The following NEDD4L variants were observed in gnomAD, a reference collection of about 807,000 sequenced individuals.
NEDD4L encodes the protein NEDD4 like E3 ubiquitin protein ligase.
In NEDD4L, 54 loss-of-function variants were observed where a neutral mutation model predicts 148.9. The ratio of observed to expected loss-of-function variants is 0.36; its 90% CI spans 0.29 to 0.45. The LOEUF is 0.45. Among genes scored for constraint, NEDD4L ranks in the 20% least tolerant of loss-of-function variants. The pLI is 1.00. For missense variants in NEDD4L, 856 were observed against 1,233.8 expected (o/e 0.69, Z 4.59); for synonymous variants, 433 against 440.7 (o/e 0.98, Z 0.22).
intron 1 of NEDD4L, among the ~76,000 whole-genome samples, chr18:58,071,003 G>C (rs1259524639): frequency 6.6e-6 from 1 of 151,904 alleles, no homozygotes; most frequent in South Asian, 2.1e-4. Context: ...GCTATCTCAA[G>C]AAACAGGAAG....
chr18:58,352,299 G>A (rs2043989700), intron 18 of NEDD4L, among the ~76,000 whole-genome samples: 1 of 151,978 alleles, frequency 6.6e-6, no homozygotes, highest in South Asian at 2.1e-4. Context: ...TTTATTTATT[G>A]TTTTAAGAGA....
At chr18:58,141,834 TGCCTGTGGTTCATAAGCCTG>T (rs1254319879) in intron 1 of NEDD4L, among the ~76,000 whole-genome samples, 1 of 152,180 alleles carries the variant, frequency 6.6e-6, no homozygotes, top group Non-Finnish European at 1.5e-5. Flanking sequence ...TTAGAATCCA[TGCCTGTGGTTCATAAGCCTG>T]GCTCAGCTCT....
At position 58,334,004 on chromosome 18, in the gene NEDD4L, G is replaced by T. The variant is rs549467223; in HGVS notation, c.1065+112G>T. On this transcript the variant is annotated intron_variant, in intron 12 of 30. Coordinates refer to ENST00000400345, the MANE Select transcript of NEDD4L (RefSeq NM_001144967.3). ...GTGTAAATTTATTTACAATATAAAT[G>T]AGATGTTTTTAAATTTCCTGGCCAA... 3 of 624,860 alleles carry T rather than the reference G, an allele frequency of 4.8e-6. No individual in the cohort carries two copies. The African/African-American group carries it at 5.6e-5, about 12-fold the overall frequency. The allele number at this position is 624,860 out of a possible 1,614,324, so 38.7% of individuals were successfully genotyped here. A position where few individuals can be genotyped will look rare whatever the true frequency, so the allele number is the denominator to read the frequency against.
chr18:58,153,017 G>C (rs550768197), intron 1 of NEDD4L, among the ~76,000 whole-genome samples: 322 of 152,308 alleles, frequency 2.1e-3, no homozygotes, highest in African/African-American at 7.3e-3. Context: ...GGTTTTAGGG[G>C]AAGGAGAGTC....
At chr18:58,269,083 A>G (rs926126279) in intron 5 of NEDD4L, among the ~76,000 whole-genome samples, 7 of 151,908 alleles carry the variant, frequency 4.6e-5, no homozygotes, top group African/African-American at 1.5e-4. Flanking sequence ...ATATGTTCCA[A>G]TCTTCTGTCA....
chr18:58,065,394 C>G (rs749179650), intron 1 of NEDD4L, among the ~76,000 whole-genome samples: 1 of 152,226 alleles, frequency 6.6e-6, no homozygotes. Flanking sequence ...TTGTGCATTG[C>G]GCACTATGCT....
intron 2 of NEDD4L, among the ~76,000 whole-genome samples, chr18:58,222,062 T>C (rs2043832086): frequency 6.6e-6 from 1 of 152,220 alleles, no homozygotes; most frequent in Non-Finnish European, 1.5e-5. Context: ...GTACAGCTTT[T>C]CTTCCAAAAA....
intron 1 of NEDD4L, among the ~76,000 whole-genome samples, chr18:58,075,440 C>T (rs553216809): frequency 1.2e-4 from 18 of 152,222 alleles, no homozygotes; most frequent in Middle Eastern, 6.8e-3. Flanking sequence ...CGTGAGCCAC[C>T]GCATCCAGCC....
chr18:58,365,921 C>T lies in NEDD4L; in HGVS notation c.1834-78C>T, dbSNP rs1568861555. 3 of 1,000,610 alleles carry T rather than the reference C, an allele frequency of 3.0e-6. No individual in the cohort carries two copies. The South Asian group carries it at 5.5e-5, about 18-fold the overall frequency. The allele number at this position is 1,000,610 out of a possible 1,614,324, so 62.0% of individuals were successfully genotyped here. A position where few individuals can be genotyped will look rare whatever the true frequency, so the allele number is the denominator to read the frequency against. ...CTTTGAGGACTGCCAACTTTTCTAC[C>T]ATTTGCTGTTGTTTTTATTAGAAAA... is the stretch of plus-strand genomic sequence containing the variant. On this transcript the variant is annotated intron_variant, in intron 20 of 30. Transcript: ENST00000400345.
intron 18 of NEDD4L, among the ~76,000 whole-genome samples, chr18:58,353,526 T>C (rs1220265994): frequency 6.6e-6 from 1 of 152,210 alleles, no homozygotes; most frequent in Non-Finnish European, 1.5e-5. Context: ...CTACCATCGC[T>C]CCATAATTCA....
intron 18 of NEDD4L, among the ~76,000 whole-genome samples, chr18:58,355,767 AC>A (rs1406841681): frequency 1.3e-5 from 2 of 151,498 alleles, no homozygotes; most frequent in African/African-American, 2.4e-5. Flanking sequence ...CAGCATGAAA[AC>A]AAAAGATTCT....
At chr18:58,104,650 C>T (rs1481354737) in intron 1 of NEDD4L, among the ~76,000 whole-genome samples, 6 of 152,300 alleles carry the variant, frequency 3.9e-5, no homozygotes, top group African/African-American at 1.2e-4. Context: ...GAATATTTCA[C>T]TATTTTTCAC....
intron 2 of NEDD4L, among the ~76,000 whole-genome samples, chr18:58,210,568 C>A (rs913448107): frequency 1.3e-5 from 2 of 152,148 alleles, no homozygotes; most frequent in African/African-American, 4.8e-5. Context: ...CCTGCCTCAG[C>A]CTCCCAAGTA....
At chr18:58,201,392 A>T (rs1244801106) in intron 2 of NEDD4L, among the ~76,000 whole-genome samples, 2 of 152,146 alleles carry the variant, frequency 1.3e-5, no homozygotes, top group Non-Finnish European at 2.9e-5. Flanking sequence ...TCAAACATAT[A>T]CTAAAATAGA....
rs151072426 is a variant in NEDD4L, at chr18:58,320,819, A to G, written c.349-1606A>G. On this transcript the variant is annotated intron_variant, in intron 6 of 30. Transcript: ENST00000400345. ...AGCAGAAGACCCTGTCTCTAAATTA[A>G]ATAAATAAATGTTGGTTTAATAAAT... 3.9e-5 allele frequency among the ~76,000 whole-genome samples: 6 copies of G among 152,330 alleles called. No individual in the cohort carries two copies. The East Asian group carries it at 9.6e-4, about 24-fold the overall frequency.
At chr18:58,050,988 A>G (rs1451072120) in intron 1 of NEDD4L, among the ~76,000 whole-genome samples, 2 of 152,036 alleles carry the variant, frequency 1.3e-5, no homozygotes, top group Admixed American at 1.3e-4. Context: ...TATCTGGTAT[A>G]TTTTCCCAAG....
intron 1 of NEDD4L, among the ~76,000 whole-genome samples, chr18:58,142,897 A>G (rs1234565972): frequency 6.6e-6 from 1 of 152,030 alleles, no homozygotes; most frequent in Non-Finnish European, 1.5e-5. Flanking sequence ...TTTGTTGTTT[A>G]CCAGGTCATC....
At chr18:58,186,132 CAT>C (rs2039461600) in intron 2 of NEDD4L, among the ~76,000 whole-genome samples, 1 of 152,142 alleles carries the variant, frequency 6.6e-6, no homozygotes, top group Non-Finnish European at 1.5e-5. Flanking sequence ...TGCACAAGAA[CAT>C]ACATTCCCTA....
In NEDD4L at chr18:58,344,563, C is replaced by G. The variant is rs534975962; in HGVS notation, c.1575+1460C>G. On this transcript the variant is annotated intron_variant, in intron 16 of 30. Coordinates refer to ENST00000400345, the MANE Select transcript of NEDD4L (RefSeq NM_001144967.3). The stretch of plus-strand genomic sequence containing the variant: ...TGCCAAGAGAATTTCTCATTTAGAT[C>G]TGGTAACATTCATTTGGTAAACTGA... Among the ~76,000 whole-genome samples, 76 of 152,294 alleles carry G rather than the reference C, an allele frequency of 5.0e-4. 1 individual carries two copies. The highest frequency in any genetic ancestry group is 4.9e-3 in the Admixed American group (75 of 15,300).
Sources: allele counts gnomAD v4.1 joint callset (sites outside exome capture counted in the v4.1 genomes callset), GRCh38; gene constraint gnomAD v4.1.1; transcripts MANE v1.5; gene names NCBI Gene and HGNC (gene_info 2026-07-23, HGNC 2026-07-21).